The following CEP89 variants were observed in gnomAD, a reference collection of about 807,000 sequenced individuals.
The protein encoded by CEP89 is centrosomal protein of 89 kDa.
In CEP89, 95 loss-of-function variants were observed where a neutral mutation model predicts 97.6. The ratio of observed to expected loss-of-function variants is 0.97; its 90% CI spans 0.82 to 1.15. CEP89 has a LOEUF of 1.15. CEP89 is among the 50% of genes most tolerant of loss of function. The pLI, the probability that CEP89 is intolerant of heterozygous loss-of-function variation, is 0.00. For synonymous variants in CEP89, 354 were observed against 349.1 expected (o/e 1.01, Z -0.16); for missense variants, 869 against 947.7 (o/e 0.92, Z 1.09).
chr19:32,966,500 T>G (rs763711159), intron 1 of CEP89, 34 bp from the exon 2 acceptor site: 2 of 1,358,536 alleles, frequency 1.5e-6, no homozygotes. Flanking sequence ...AGTCACTGGG[T>G]TGGGTCACTG....
In CEP89 at chr19:32,918,298, T is replaced by C. The variant is rs1299663502; in HGVS notation, c.1310A>G (p.Asn437Ser). ...QTQAKLVLEENKLLLEQLEIQ... is the reference protein window; with the variant it reads ...QTQAKLVLEESKLLLEQLEIQ... Reference sequence around the variant, plus strand: ...CTCCAACTGCTCCAGCAACAACTTGTTTTCCTCTAAAACCAGTTTTGCTTG... The same window carrying C: ...CTCCAACTGCTCCAGCAACAACTTGCTTTCCTCTAAAACCAGTTTTGCTTG... Residue 437 changes from asparagine (N) to serine (S), a missense_variant, in exon 13 of 19, where the codon AAC becomes AGC. Coordinates refer to ENST00000305768, the MANE Select transcript of CEP89 (RefSeq NM_032816.5). 10 of 1,614,176 alleles carry C rather than the reference T, an allele frequency of 6.2e-6. No homozygotes were observed. Among genetic ancestry groups the C allele is most frequent in the Middle Eastern group, 1.6e-4 (1 of 6,062 alleles).
rs186037638 is a variant in CEP89 at position 32,890,652 on chromosome 19, T to C, written c.1876-2811A>G. ...GGTCGGGAGCCTGGAGAGGCTCCCC[T>C]GTGTCGGGAAAGGGTGAGAGATCCC... On this transcript the variant is annotated intron_variant, in intron 16 of 18. Transcript: ENST00000305768. Among the ~76,000 whole-genome samples, 903 of 152,196 alleles carry C rather than the reference T, an allele frequency of 5.9e-3. 7 individuals are homozygous for C. Among genetic ancestry groups the C allele is most frequent in the Non-Finnish European group, 8.4e-3 (573 of 67,982 alleles).
At chr19:32,902,048 G>GTGTGTGTGTGTGTA (rs1255251867) in intron 14 of CEP89, among the ~76,000 whole-genome samples, 10 of 149,934 alleles carry the variant, frequency 6.7e-5, no homozygotes, top group African/African-American at 2.3e-4. Flanking sequence ...GTGTGTGTAT[G>GTGTGTGTGTGTGTA]TGTGTGTATA....
At chr19:32,933,333 C>A in intron 8 of CEP89, 118 bp downstream of exon 8, 5 of 816,872 alleles carry the variant, frequency 6.1e-6, no homozygotes, top group South Asian at 3.5e-5. Flanking sequence ...ACAAAAAAAC[C>A]TGAAATATTA....
intron 14 of CEP89, among the ~76,000 whole-genome samples, chr19:32,914,851 G>A (rs7256095): frequency 0.63 from 95,764 of 151,554 alleles, 30,721 homozygotes; most frequent in African/African-American, 0.72. Context: ...GTGAAACCCC[G>A]TCTCTACCAA....
chr19:32,938,251 C>T (rs1970617718), intron 6 of CEP89, among the ~76,000 whole-genome samples: 1 of 152,040 alleles, frequency 6.6e-6, no homozygotes. Context: ...ACAGGTAGAT[C>T]CCGTGAGTAG....
At chr19:32,919,430 G>A (rs992350915) in intron 12 of CEP89, among the ~76,000 whole-genome samples, 3 of 152,186 alleles carry the variant, frequency 2.0e-5, no homozygotes, top group South Asian at 2.1e-4. Context: ...AAACCCTACA[G>A]GTGAGGAGGA....
At chr19:32,901,553 C>T in intron 14 of CEP89, 141 bp from the exon 15 acceptor site, 1 of 793,126 alleles carries the variant, frequency 1.3e-6, no homozygotes, top group African/African-American at 1.7e-5. Flanking sequence ...GTGGAAACAT[C>T]TCCCCATCCT....
chr19:32,971,902 G>T lies in CEP89; in HGVS notation c.-28C>A. On this transcript the variant is annotated 5_prime_UTR_variant, in exon 1 of 19. Coordinates refer to ENST00000305768, the MANE Select transcript of CEP89 (RefSeq NM_032816.5). ...TTGCAGCGCGAGGAGAATGGACCGG[G>T]GCCTGGACTCATCAGCAGATCTATC... The T allele has an allele frequency of 6.3e-7, 1 of 1,576,682 alleles. No homozygotes were observed. Among genetic ancestry groups the T allele is most frequent in the Non-Finnish European group, 8.6e-7 (1 of 1,159,772 alleles).
chr19:32,878,818 A>G lies in CEP89; in HGVS notation c.*344T>C, dbSNP rs1969215696. ...CCTCATCTCAACAAAAAAGAAAAAA[A>G]TTAGCTGGGCCTGACAGTGCACACC... On this transcript the variant is annotated 3_prime_UTR_variant, in exon 19 of 19. Coordinates refer to ENST00000305768, the MANE Select transcript of CEP89 (RefSeq NM_032816.5). The G allele has an allele frequency of 5.2e-6, 1 of 193,658 alleles. No individual in the cohort carries two copies. The highest frequency in any genetic ancestry group is 1.8e-4 in the South Asian group (1 of 5,422). The allele number at this position is 193,658 out of a possible 1,614,324, so 12.0% of individuals were successfully genotyped here.
In CEP89 at chr19:32,956,049, C is replaced by CTTTTT. The variant is rs202179963; in HGVS notation, c.306-2253_306-2249dup. Among the ~76,000 whole-genome samples the CTTTTT allele has an allele frequency of 8.2e-4, 87 of 105,746 alleles. 1 individual carries two copies. Among genetic ancestry groups the CTTTTT allele is most frequent in the African/African-American group, 1.2e-3 (32 of 27,152 alleles). 69.4% of individuals were successfully genotyped at this position (105,746 alleles called of 152,430 possible). On this transcript the variant is annotated intron_variant, in intron 3 of 18. Transcript: ENST00000305768. ...CTGGTATGTCCATTCCAATTTGGTT[C>CTTTTT]TTTTTTTTTTTTTTTTTTTTTTTTG...
At chr19:32,900,920 C>G (rs1234546136) in intron 15 of CEP89, among the ~76,000 whole-genome samples, 1 of 145,194 alleles carries the variant, frequency 6.9e-6, no homozygotes. Flanking sequence ...GGGTCTCACT[C>G]TGTTGCCCAG....
intron 16 of CEP89, among the ~76,000 whole-genome samples, chr19:32,892,104 ATATT>A (rs142691599): frequency 0.078 from 11,425 of 146,274 alleles, 1,533 homozygotes; most frequent in African/African-American, 0.26. Flanking sequence ...ATATATATAT[ATATT>A]TAGACATACA....
intron 6 of CEP89, 149 bp downstream of exon 6, chr19:32,939,708 T>G (rs890284898): frequency 8.3e-6 from 4 of 480,158 alleles, no homozygotes; most frequent in African/African-American, 8.2e-5. Flanking sequence ...AAAGAAATAT[T>G]CAACAGGAAA....
intron 16 of CEP89, among the ~76,000 whole-genome samples, chr19:32,896,543 C>T (rs1969645449): frequency 6.6e-6 from 1 of 151,976 alleles, no homozygotes; most frequent in African/African-American, 2.4e-5. Flanking sequence ...AGGAAGCACT[C>T]TAGGACTTTA....
intron 9 of CEP89, chr19:32,931,177 A>T: frequency 2.3e-6 from 1 of 426,976 alleles, no homozygotes; most frequent in African/African-American, 2.0e-5. Flanking sequence ...GGCACAAGCC[A>T]CCTCATCCGG....
At chr19:32,908,209 T>C (rs1969927968) in intron 14 of CEP89, among the ~76,000 whole-genome samples, 1 of 152,206 alleles carries the variant, frequency 6.6e-6, no homozygotes, top group Non-Finnish European at 1.5e-5. Flanking sequence ...AAAGAAGGTA[T>C]AAAAAGTTTA....
At position 32,931,477 on chromosome 19, in the gene CEP89, T is replaced by C; in HGVS notation, c.981A>G (p.Val327=). 1 of 1,595,356 alleles carries C rather than the reference T, an allele frequency of 6.3e-7. No homozygotes were observed. Among genetic ancestry groups the C allele is most frequent in the South Asian group, 1.2e-5 (1 of 85,972 alleles). Residue 327 remains valine, a synonymous_variant, in exon 9 of 19, where the codon GTA becomes GTG. Transcript: ENST00000305768. The part of the protein sequence containing the change: ...GLKMTVHRLN[V]ELSRYQTKFR... Reference sequence around the variant, plus strand: ...ATTTTGTCTGATATCGACTGAGTTCTACATTCAAACGATGGACAGTCATTT... The same window carrying C: ...ATTTTGTCTGATATCGACTGAGTTCCACATTCAAACGATGGACAGTCATTT...
chr19:32,892,035 G>C (rs995235405), intron 16 of CEP89, among the ~76,000 whole-genome samples: 3 of 150,026 alleles, frequency 2.0e-5, no homozygotes. Flanking sequence ...TTCCCAAAAA[G>C]GTCTTCTCCC....
Sources: allele counts gnomAD v4.1 joint callset (sites outside exome capture counted in the v4.1 genomes callset), GRCh38; gene constraint gnomAD v4.1.1; transcripts MANE v1.5; gene names NCBI Gene and HGNC (gene_info 2026-07-23, HGNC 2026-07-21).